The following GPATCH2 variants were observed in gnomAD, a reference collection of about 807,000 sequenced individuals.
The protein encoded by GPATCH2 is G-patch domain containing 2.
A neutral mutation model predicts 58.0 loss-of-function variants in GPATCH2; 51 were observed. The ratio of observed to expected loss-of-function variants is 0.88; its 90% CI spans 0.70 to 1.11. The LOEUF (loss-of-function observed/expected upper bound fraction) is 1.11. Among genes scored for constraint, GPATCH2 ranks in the 50% most tolerant of loss-of-function variants. GPATCH2 has a pLI of 0.00. For synonymous variants in GPATCH2, 222 were observed against 218.5 expected, an observed-to-expected ratio of 1.02 and a Z score of -0.14; for missense variants, 625 against 652.2, an observed-to-expected ratio of 0.96 and a Z score of 0.45.
At position 217,427,596 on chromosome 1, in the gene GPATCH2, A is replaced by T. The variant is rs1395220807; in HGVS notation, c.*3549T>A. 7.3e-6 allele frequency: 1 copy of T among 136,978 alleles called. No homozygotes were observed. Among genetic ancestry groups the T allele is most frequent in the Non-Finnish European group, 1.6e-5 (1 of 61,214 alleles). 8.5% of individuals were successfully genotyped at this position (136,978 alleles called of 1,614,324 possible). On this transcript the variant is annotated 3_prime_UTR_variant, in exon 10 of 10. Coordinates refer to ENST00000366935, the MANE Select transcript of GPATCH2 (RefSeq NM_018040.5). Reference sequence around the variant, plus strand: ...ACTATTAACATGACTTTCTACCAAAAGAAAAAATAAAAAAAAATATTCTTT... The same window carrying T: ...ACTATTAACATGACTTTCTACCAAATGAAAAAATAAAAAAAAATATTCTTT...
intron 4 of GPATCH2, 65 bp downstream of exon 4, chr1:217,610,824 T>C: frequency 8.9e-7 from 1 of 1,128,566 alleles, no homozygotes; most frequent in Non-Finnish European, 1.3e-6. Context: ...CTTATCCTCC[T>C]TGAATGAATA....
In GPATCH2 at chr1:217,466,422, T is replaced by C. The variant is rs529700478; in HGVS notation, c.1278-17085A>G. ...TTCCTTTTTGTGGAGAATGGGTCTTTCTATATGGCCCAGGCAGGTCTCAAA... is the reference window on the plus strand; with the variant it reads ...TTCCTTTTTGTGGAGAATGGGTCTTCCTATATGGCCCAGGCAGGTCTCAAA... On this transcript the variant is annotated intron_variant, in intron 8 of 9. Coordinates refer to ENST00000366935, the MANE Select transcript of GPATCH2 (RefSeq NM_018040.5). Among the ~76,000 whole-genome samples the C allele has an allele frequency of 7.2e-5, 11 of 152,256 alleles. No homozygotes were observed. In the South Asian group the frequency reaches 1.9e-3, roughly 26 times the overall value.
chr1:217,530,655 T>A lies in GPATCH2; in HGVS notation c.1099-15766A>T, dbSNP rs553944174. Among the ~76,000 whole-genome samples the A allele has an allele frequency of 4.7e-4, 71 of 152,296 alleles. 1 individual carries two copies. The highest frequency in any genetic ancestry group is 2.2e-4 in the Non-Finnish European group (15 of 68,018). On this transcript the variant is annotated intron_variant, in intron 5 of 9. Coordinates refer to ENST00000366935, the MANE Select transcript of GPATCH2 (RefSeq NM_018040.5). ...TAACTGAAAATAAAAATCAAATGAA[T>A]AATTTTTTTCTCGTGATTGTATCAG... is the stretch of plus-strand genomic sequence containing the variant.
chr1:217,620,561 C>A, intron 1 of GPATCH2, 62 bp from the exon 2 acceptor site: 2 of 909,140 alleles, frequency 2.2e-6, no homozygotes, highest in Non-Finnish European at 3.4e-6. Context: ...ACCTCATTTT[C>A]TATAACAGAC....
intron 2 of GPATCH2, among the ~76,000 whole-genome samples, chr1:217,619,488 G>A (rs901159318): frequency 3.3e-5 from 5 of 152,022 alleles, no homozygotes; most frequent in African/African-American, 4.8e-5. Context: ...AGTTACAAAC[G>A]TGCTGTTATT....
Position 217,514,918 on chromosome 1 carries a change from A to C in GPATCH2, c.1099-29T>G, listed in dbSNP as rs758161590. The C allele has an allele frequency of 4.6e-6, 5 of 1,095,940 alleles. No individual in the cohort carries two copies. The African/African-American group carries it at 7.7e-5, about 17-fold the overall frequency. 67.9% of individuals were successfully genotyped at this position (1,095,940 alleles called of 1,614,324 possible). A position where few individuals can be genotyped will look rare whatever the true frequency, so the allele number is the denominator to read the frequency against. ...CAGGGAGATTTAAAAAGAAAAAATA[A>C]ATTTCAGATTTGTTTATAAAACGAC... On this transcript the variant is annotated intron_variant, in intron 5 of 9. Coordinates refer to ENST00000366935, the MANE Select transcript of GPATCH2 (RefSeq NM_018040.5).
chr1:217,516,363 G>A (rs539994817), intron 5 of GPATCH2, among the ~76,000 whole-genome samples: 6 of 152,158 alleles, frequency 3.9e-5, no homozygotes, highest in Admixed American at 1.3e-4. Flanking sequence ...TATCACTTGG[G>A]TTACAAGAAT....
chr1:217,489,728 G>A (rs1017158956), intron 8 of GPATCH2, among the ~76,000 whole-genome samples: 3 of 152,126 alleles, frequency 2.0e-5, no homozygotes, highest in East Asian at 1.9e-4. Flanking sequence ...CGGGTGTGGC[G>A]GCACATGCCT....
At chr1:217,629,650 G>T (rs1277644245) in intron 1 of GPATCH2, among the ~76,000 whole-genome samples, 2 of 152,126 alleles carry the variant, frequency 1.3e-5, no homozygotes. Flanking sequence ...ATCTTGTTTT[G>T]TGTGGTGTTT....
intron 5 of GPATCH2, among the ~76,000 whole-genome samples, chr1:217,516,994 G>A (rs1663191528): frequency 6.6e-6 from 1 of 152,114 alleles, no homozygotes; most frequent in African/African-American, 2.4e-5. Flanking sequence ...CAAAGCAACT[G>A]AATGCAATAA....
At chr1:217,557,276 G>A (rs566900471) in intron 5 of GPATCH2, among the ~76,000 whole-genome samples, 3 of 151,810 alleles carry the variant, frequency 2.0e-5, no homozygotes, top group South Asian at 2.1e-4. Flanking sequence ...GCGTGGTGGC[G>A]GGTGCCTGCA....
At chr1:217,574,036 C>T (rs549358637) in intron 5 of GPATCH2, among the ~76,000 whole-genome samples, 27 of 152,242 alleles carry the variant, frequency 1.8e-4, no homozygotes, top group African/African-American at 5.3e-4. Flanking sequence ...AAAAGAAAAG[C>T]AACGTGCAGT....
At chr1:217,443,044 T>C (rs1659220248) in intron 9 of GPATCH2, among the ~76,000 whole-genome samples, 1 of 152,204 alleles carries the variant, frequency 6.6e-6, no homozygotes, top group Non-Finnish European at 1.5e-5. Flanking sequence ...ATTTTACATA[T>C]TATTGTCCAT....
At chr1:217,467,797 A>G (rs1660531312) in intron 8 of GPATCH2, among the ~76,000 whole-genome samples, 1 of 152,190 alleles carries the variant, frequency 6.6e-6, no homozygotes, top group African/African-American at 2.4e-5. Context: ...CTATTATAGT[A>G]AAGGAATCAG....
intron 5 of GPATCH2, among the ~76,000 whole-genome samples, chr1:217,531,424 G>C (rs952804843): frequency 6.6e-6 from 1 of 152,146 alleles, no homozygotes; most frequent in African/African-American, 2.4e-5. Flanking sequence ...TATACCTCAA[G>C]TAATTCACAA....
chr1:217,610,186 T>C, intron 5 of GPATCH2, 135 bp downstream of exon 5: 1 of 1,589,924 alleles, frequency 6.3e-7, no homozygotes, highest in South Asian at 1.1e-5. Flanking sequence ...CTGGTCCAGT[T>C]TGTAGCCTAC....
chr1:217,566,435 C>T (rs1418654835), intron 5 of GPATCH2, among the ~76,000 whole-genome samples: 1 of 152,148 alleles, frequency 6.6e-6, no homozygotes, highest in Non-Finnish European at 1.5e-5. Flanking sequence ...ATCACTATTA[C>T]AGATCTCCTT....
intron 5 of GPATCH2, among the ~76,000 whole-genome samples, chr1:217,531,190 T>C (rs1664172778): frequency 6.6e-6 from 1 of 152,228 alleles, no homozygotes; most frequent in African/African-American, 2.4e-5. Context: ...ATCTTTCTTA[T>C]ATCACTTAAC....
rs7540752 is a variant in GPATCH2 at position 217,543,269 on chromosome 1, G to T, written c.1099-28380C>A. 4.7e-3 allele frequency among the ~76,000 whole-genome samples: 496 copies of T among 105,702 alleles called. 3 individuals are homozygous for T. Among genetic ancestry groups the T allele is most frequent in the South Asian group, 6.8e-3 (20 of 2,920 alleles). 69.3% of individuals were successfully genotyped at this position (105,702 alleles called of 152,430 possible). A position where few individuals can be genotyped will look rare whatever the true frequency, so the allele number is the denominator to read the frequency against. Reference sequence around the variant, plus strand: ...CATTGAAAAGCATGATGATGCGAACGTTTTTTTTTTTTTTTTTTGAGACAG... The same window carrying T: ...CATTGAAAAGCATGATGATGCGAACTTTTTTTTTTTTTTTTTTTGAGACAG... On this transcript the variant is annotated intron_variant, in intron 5 of 9. Coordinates refer to ENST00000366935, the MANE Select transcript of GPATCH2 (RefSeq NM_018040.5).
Sources: gnomAD v4.1 joint callset for allele counts (sites outside exome capture counted in the v4.1 genomes callset) on GRCh38, gnomAD v4.1.1 for gene constraint, MANE v1.5 for transcripts, NCBI Gene and HGNC (gene_info 2026-07-23, HGNC 2026-07-21) for gene names.